Variants in DAB1 observed in about 807,000 individuals in gnomAD.
DAB1 encodes the protein DAB adaptor protein 1, also known as disabled homolog 1.
In DAB1, 15 loss-of-function variants were observed where a neutral mutation model predicts 64.6. That is an observed-to-expected ratio of 0.23 (90% CI 0.16 to 0.36). The LOEUF (loss-of-function observed/expected upper bound fraction) is 0.36. Ranked by LOEUF, DAB1 falls within the 10% of genes least tolerant of loss-of-function variation. The pLI, the probability that DAB1 is intolerant of heterozygous loss-of-function variation, is 1.00. For missense variants in DAB1, 596 were observed against 706.7 expected (o/e 0.84, Z 1.78); for synonymous variants, 235 against 251.9 (o/e 0.93, Z 0.64).
chr1:58,024,085 T>C (rs1646852613), intron 5 of DAB1, among the ~76,000 whole-genome samples: 1 of 152,236 alleles, frequency 6.6e-6, no homozygotes, highest in South Asian at 2.1e-4. Context: ...CTCGTAATTA[T>C]GTTTCCTGTT....
chr1:58,311,631 C>T (rs1662431513), intron 4 of DAB1, among the ~76,000 whole-genome samples: 2 of 152,242 alleles, frequency 1.3e-5, no homozygotes, highest in South Asian at 4.1e-4. Flanking sequence ...TGTGACTTTT[C>T]AGAGGTAAAC....
chr1:57,098,574 T>C (rs1189649785), intron 4 of DAB1, among the ~76,000 whole-genome samples: 2 of 152,166 alleles, frequency 1.3e-5, no homozygotes, highest in Non-Finnish European at 2.9e-5. Context: ...CAAGCCACAG[T>C]GGAAAACAGA....
chr1:58,117,331 G>T (rs560423573), intron 5 of DAB1, among the ~76,000 whole-genome samples: 1 of 152,282 alleles, frequency 6.6e-6, no homozygotes, highest in East Asian at 1.9e-4. Flanking sequence ...ATGTGAAAGA[G>T]GCAGAATCAG....
intron 6 of DAB1, among the ~76,000 whole-genome samples, chr1:57,768,175 TAAAAAAAAAAAAAAA>T (rs11413691): frequency 1.0e-5 from 1 of 96,800 alleles, no homozygotes; most frequent in African/African-American, 4.1e-5. Flanking sequence ...AGAATCTGTC[TAAAAAAAAAAAAAAA>T]AAAAAAAGTT....
chr1:57,607,759 A>G (rs570817310), intron 7 of DAB1, among the ~76,000 whole-genome samples: 12 of 152,326 alleles, frequency 7.9e-5, no homozygotes, highest in African/African-American at 2.9e-4. Context: ...ACTAACAAAA[A>G]GACAGAGGGG....
chr1:58,321,337 A>G (rs769707263), intron 4 of DAB1, among the ~76,000 whole-genome samples: 7 of 152,164 alleles, frequency 4.6e-5, no homozygotes, highest in Non-Finnish European at 8.8e-5. Context: ...GCAGCTCCCA[A>G]GGTGATCGAC....
At chr1:57,394,960 C>T (rs1682683030) in intron 1 of DAB1, among the ~76,000 whole-genome samples, 1 of 152,172 alleles carries the variant, frequency 6.6e-6, no homozygotes, top group Non-Finnish European at 1.5e-5. Flanking sequence ...AGGATATCAT[C>T]ATTAAAAATT....
chr1:58,114,393 G>T (rs775261709), intron 5 of DAB1, among the ~76,000 whole-genome samples: 1 of 152,128 alleles, frequency 6.6e-6, no homozygotes, highest in African/African-American at 2.4e-5. Flanking sequence ...ATCTAGTCCC[G>T]AACAAAAAAA....
chr1:58,450,185 A>C (rs1180581940), intron 3 of DAB1, among the ~76,000 whole-genome samples: 1 of 152,230 alleles, frequency 6.6e-6, no homozygotes, highest in East Asian at 1.9e-4. Flanking sequence ...TCTGAAAAGC[A>C]AATGATAGTG....
At chr1:57,660,282 G>T (rs1646370775) in intron 6 of DAB1, among the ~76,000 whole-genome samples, 1 of 152,034 alleles carries the variant, frequency 6.6e-6, no homozygotes, top group African/African-American at 2.4e-5. Context: ...AGCTCACAGA[G>T]CAAATAAATC....
intron 6 of DAB1, among the ~76,000 whole-genome samples, chr1:57,659,761 G>A (rs1308477267): frequency 6.6e-6 from 1 of 152,074 alleles, no homozygotes; most frequent in East Asian, 1.9e-4. Context: ...CAGATGGCTT[G>A]AGGTCAGGAG....
intron 7 of DAB1, among the ~76,000 whole-genome samples, chr1:57,516,039 C>G (rs962767238): frequency 1.3e-5 from 2 of 152,180 alleles, no homozygotes; most frequent in African/African-American, 4.8e-5. Context: ...TGTATAGACT[C>G]TTTCTTCCTC....
rs535322168 is a variant in DAB1 at position 57,818,584 on chromosome 1, C to T, written n.551+65415G>A. On this transcript the variant is annotated intron_variant and non_coding_transcript_variant, in intron 6 of 20. Transcript: ENST00000485760. ...ATGTGTTACCCATTTGGCTAAGCAG[C>T]TTACATACATTCTCTTATTTAATGC... is the stretch of plus-strand genomic sequence containing the variant. Among the ~76,000 whole-genome samples, 5 of 152,094 alleles carry T rather than the reference C, an allele frequency of 3.3e-5. No homozygotes were observed. In the East Asian group the frequency reaches 9.7e-4, roughly 29 times the overall value.
At chr1:58,434,668 T>C (rs893035886) in intron 3 of DAB1, among the ~76,000 whole-genome samples, 1 of 152,218 alleles carries the variant, frequency 6.6e-6, no homozygotes, top group African/African-American at 2.4e-5. Flanking sequence ...ACGTCACCAA[T>C]ACAGTGTGTG....
chr1:57,457,609 G>C (rs575902513), intron 7 of DAB1, among the ~76,000 whole-genome samples: 6 of 152,248 alleles, frequency 3.9e-5, no homozygotes, highest in Non-Finnish European at 7.4e-5. Flanking sequence ...AAAGCCAGAA[G>C]AAGAGAGGAT....
intron 5 of DAB1, among the ~76,000 whole-genome samples, chr1:57,987,097 C>G (rs1012746710): frequency 2.0e-5 from 3 of 152,110 alleles, no homozygotes; most frequent in South Asian, 4.1e-4. Flanking sequence ...CTGATAGTTA[C>G]AAAAATATTT....
intron 7 of DAB1, among the ~76,000 whole-genome samples, chr1:57,541,253 C>T (rs1014874124): frequency 2.6e-5 from 4 of 151,872 alleles, no homozygotes; most frequent in South Asian, 2.1e-4. Context: ...CTCAGCCTCC[C>T]GAGTAGCTGG....
intron 7 of DAB1, among the ~76,000 whole-genome samples, chr1:57,483,529 AC>A (rs1424398228): frequency 1.3e-5 from 2 of 152,102 alleles, no homozygotes; most frequent in Non-Finnish European, 2.9e-5. Context: ...TTTATAAATT[AC>A]CCAGTCTCGG....
At chr1:57,059,308 T>C (rs973895771) in intron 9 of DAB1, among the ~76,000 whole-genome samples, 8 of 152,106 alleles carry the variant, frequency 5.3e-5, no homozygotes, top group Non-Finnish European at 1.0e-4. Flanking sequence ...TGGTAAGAAC[T>C]ACACCCAGAT....
Sources: allele counts gnomAD v4.1 joint callset (sites outside exome capture counted in the v4.1 genomes callset), GRCh38; gene constraint gnomAD v4.1.1; transcripts MANE v1.5; gene names NCBI Gene and HGNC (gene_info 2026-07-23, HGNC 2026-07-21).